Variants in CABCOCO1 observed in about 807,000 individuals in gnomAD.
The protein encoded by CABCOCO1 is ciliary associated calcium binding coiled-coil 1, also known as ciliary-associated calcium-binding coiled-coil protein 1.
Under a neutral mutation model 35.7 loss-of-function variants are expected in CABCOCO1, and 28 were observed. The observed-to-expected ratio is 0.78, with a 90% CI of 0.58 to 1.07. CABCOCO1 has a LOEUF of 1.07. Ranked by LOEUF, CABCOCO1 falls within the 50% of genes least tolerant of loss-of-function variation. The probability of loss-of-function intolerance (pLI) is 0.00; values close to 1 mark genes in which losing one functional copy is unlikely to be tolerated. For missense variants in CABCOCO1, 326 were observed against 309.2 expected, an observed-to-expected ratio of 1.05 and a Z score of -0.41; for synonymous variants, 95 against 100.1, an observed-to-expected ratio of 0.95 and a Z score of 0.30.
chr10:61,699,407 C>T, intron 5 of CABCOCO1, among the ~76,000 whole-genome samples: 1 of 152,144 alleles, frequency 6.6e-6, no homozygotes, highest in Non-Finnish European at 1.5e-5. Context: ...GATCACATGA[C>T]ATCTCAACTC....
intron 5 of CABCOCO1, among the ~76,000 whole-genome samples, chr10:61,697,267 T>C (rs774525953): frequency 6.6e-6 from 1 of 152,116 alleles, no homozygotes; most frequent in Non-Finnish European, 1.5e-5. Flanking sequence ...GGGAAATACT[T>C]TATTTAAAGG....
At chr10:61,675,822 A>C (rs1234379081) in intron 2 of CABCOCO1, among the ~76,000 whole-genome samples, 1 of 152,126 alleles carries the variant, frequency 6.6e-6, no homozygotes, top group Non-Finnish European at 1.5e-5. Flanking sequence ...TAGAACTTAC[A>C]TTGCTGAAAA....
chr10:61,688,883 T>C (rs1028892307), intron 4 of CABCOCO1, among the ~76,000 whole-genome samples: 1 of 152,232 alleles, frequency 6.6e-6, no homozygotes, highest in Non-Finnish European at 1.5e-5. Context: ...TGTTCCCATG[T>C]AGCACCACCT....
At chr10:61,700,941 ACATACATGTATACATATAC>A (rs972986970) in intron 5 of CABCOCO1, among the ~76,000 whole-genome samples, 2 of 63,676 alleles carry the variant, frequency 3.1e-5, no homozygotes, top group African/African-American at 1.4e-4. Flanking sequence ...GTATACATAT[ACATACATGTATACATATAC>A]ATACATGTAT....
intron 4 of CABCOCO1, among the ~76,000 whole-genome samples, chr10:61,688,187 A>G (rs536037231): frequency 6.6e-6 from 1 of 152,348 alleles, no homozygotes; most frequent in Non-Finnish European, 1.5e-5. Context: ...ATGACAATGA[A>G]ATCACATAAT....
intron 4 of CABCOCO1, among the ~76,000 whole-genome samples, chr10:61,688,168 AAC>A (rs1190350942): frequency 1.3e-5 from 2 of 152,346 alleles, no homozygotes; most frequent in East Asian, 3.9e-4. Flanking sequence ...AAGGAAAAAA[AAC>A]AGTTTAATGA....
intron 7 of CABCOCO1, among the ~76,000 whole-genome samples, chr10:61,764,203 G>A (rs917760851): frequency 3.9e-5 from 6 of 152,056 alleles, no homozygotes; most frequent in Non-Finnish European, 8.8e-5. Context: ...GGCATAGAGG[G>A]ACATTAATTG....
rs572107180 is a variant in CABCOCO1 at position 61,690,583 on chromosome 10, T to A, written c.514T>A (p.Phe172Ile). 110 of 1,607,328 alleles carry A rather than the reference T, an allele frequency of 6.8e-5. No individual in the cohort carries two copies. The highest frequency in any genetic ancestry group is 8.0e-5 in the Non-Finnish European group (94 of 1,174,696). Residue 172 changes from phenylalanine to isoleucine, a missense_variant, in exon 5 of 8, where the codon TTC becomes ATC. By Grantham distance (21) the Phe-to-Ile change is conservative (BLOSUM62 0). Transcript: ENST00000648843. ...ACACTACAAGCTATACGAGTTTATG[T>A]TCTACTCTGCCAGGGAAGAAATTGT... ...FQHYKLYEFM[F>I]YSAREEIVIG...
intron 5 of CABCOCO1, among the ~76,000 whole-genome samples, chr10:61,705,578 T>C (rs1038644035): frequency 2.0e-5 from 3 of 152,112 alleles, no homozygotes; most frequent in Non-Finnish European, 4.4e-5. Flanking sequence ...AGGCACATAA[T>C]TACAAACCAA....
intron 2 of CABCOCO1, among the ~76,000 whole-genome samples, chr10:61,677,350 C>G (rs1188045601): frequency 1.3e-5 from 2 of 152,038 alleles, no homozygotes; most frequent in African/African-American, 4.8e-5. Flanking sequence ...AGATTCTTAA[C>G]CAATGGAGGA....
At chr10:61,684,791 C>T (rs1296748312) in intron 3 of CABCOCO1, 1 of 152,372 alleles carries the variant, frequency 6.6e-6, no homozygotes, top group Non-Finnish European at 1.5e-5. Context: ...ACTTACCTGA[C>T]TCCATCTTCC....
intron 1 of CABCOCO1, among the ~76,000 whole-genome samples, chr10:61,665,076 A>G (rs1250594149): frequency 6.6e-6 from 1 of 152,228 alleles, no homozygotes; most frequent in African/African-American, 2.4e-5. Context: ...GTCTGTCAGA[A>G]ATAAATCATA....
intron 5 of CABCOCO1, among the ~76,000 whole-genome samples, chr10:61,744,447 C>T (rs746649532): frequency 6.6e-6 from 1 of 152,106 alleles, no homozygotes; most frequent in Admixed American, 6.6e-5. Context: ...AAAATGATTA[C>T]TACCCTGTAA....
intron 5 of CABCOCO1, among the ~76,000 whole-genome samples, chr10:61,700,022 C>T (rs1190228730): frequency 6.6e-6 from 1 of 151,946 alleles, no homozygotes; most frequent in Non-Finnish European, 1.5e-5. Flanking sequence ...ACTGAAAAAC[C>T]TAAATCAATA....
chr10:61,759,937 A>G (rs1474882333), intron 5 of CABCOCO1, 122 bp from the exon 6 acceptor site: 4 of 1,284,120 alleles, frequency 3.1e-6, no homozygotes, highest in Non-Finnish European at 4.2e-6. Flanking sequence ...TCAAAAATTC[A>G]AAGGAGGTGG....
At chr10:61,669,020 G>GAACAAAAAAAAAAAAAA (rs1839275580) in intron 1 of CABCOCO1, among the ~76,000 whole-genome samples, 1 of 102,480 alleles carries the variant, frequency 9.8e-6, no homozygotes. Context: ...AAGGGTTGGG[G>GAACAAAAAAAAAAAAAA]AAAAAAAAAA....
chr10:61,710,069 T>C (rs1160599635), intron 5 of CABCOCO1, among the ~76,000 whole-genome samples: 1 of 152,056 alleles, frequency 6.6e-6, no homozygotes, highest in Non-Finnish European at 1.5e-5. Flanking sequence ...AATGCATTTA[T>C]TTGCCAAAAA....
At chr10:61,681,396 A>G (rs937420834) in intron 3 of CABCOCO1, 84 bp downstream of exon 3, 2 of 1,023,224 alleles carry the variant, frequency 2.0e-6, no homozygotes, top group Non-Finnish European at 2.8e-6. Context: ...TACAGATTTT[A>G]TTGTAATTCC....
At chr10:61,725,174 G>C (rs12241407) in intron 5 of CABCOCO1, among the ~76,000 whole-genome samples, 18 of 152,298 alleles carry the variant, frequency 1.2e-4, no homozygotes, top group African/African-American at 3.6e-4. Flanking sequence ...CTGTAAACTA[G>C]TTCAACCATT....
Sources: gnomAD v4.1 joint callset for allele counts (sites outside exome capture counted in the v4.1 genomes callset) on GRCh38, gnomAD v4.1.1 for gene constraint, MANE v1.5 for transcripts, NCBI Gene and HGNC (gene_info 2026-07-23, HGNC 2026-07-21) for gene names.